Variants in PLXDC2 observed in about 807,000 individuals in gnomAD.
PLXDC2 encodes plexin domain containing 2.
A neutral mutation model predicts 68.9 loss-of-function variants in PLXDC2; 40 were observed. That is an observed-to-expected ratio of 0.58 (90% CI 0.45 to 0.76). The LOEUF (loss-of-function observed/expected upper bound fraction) is 0.76. Ranked by LOEUF, PLXDC2 falls within the 30% of genes least tolerant of loss-of-function variation. PLXDC2 has a pLI of 0.00. For missense variants in PLXDC2, 644 were observed against 661.9 expected (o/e 0.97, Z 0.30); for synonymous variants, 243 against 234.2 (o/e 1.04, Z -0.34).
At chr10:20,220,219 T>C (rs1835191158) in intron 12 of PLXDC2, among the ~76,000 whole-genome samples, 1 of 152,178 alleles carries the variant, frequency 6.6e-6, no homozygotes, top group Non-Finnish European at 1.5e-5. Flanking sequence ...AAATATATAC[T>C]AGCTAGAAAT....
rs1258240611 is a variant in PLXDC2, at chr10:20,162,067, AGAGAGAAGGAAGGAAGGAAGGAAG to A, written c.784-2398_784-2375del. 2.5e-3 allele frequency among the ~76,000 whole-genome samples: 114 copies of A among 45,490 alleles called. 1 individual carries two copies. The highest frequency in any genetic ancestry group is 7.5e-3 in the African/African-American group (98 of 13,132). The allele number at this position is 45,490 out of a possible 152,430, so 29.8% of individuals were successfully genotyped here. On this transcript the variant is annotated intron_variant, in intron 6 of 13. Transcript: ENST00000377252. ...AAGAGAGAGAGAGAGAGAGAGAGAGAGAGAGAAGGAAGGAAGGAAGGAAGGAAGGAAGGAAGGAAGGAAGGAAGG... is the reference window on the plus strand; with the variant it reads ...AAGAGAGAGAGAGAGAGAGAGAGAGAGAAGGAAGGAAGGAAGGAAGGAAGG...
intron 1 of PLXDC2, among the ~76,000 whole-genome samples, chr10:19,998,239 A>G (rs1352915584): frequency 6.6e-6 from 1 of 152,208 alleles, no homozygotes; most frequent in Non-Finnish European, 1.5e-5. Context: ...AATTTAAAAC[A>G]TTTGTATGAG....
At chr10:20,234,593 AAC>A (rs1242608233) in intron 12 of PLXDC2, among the ~76,000 whole-genome samples, 2 of 151,684 alleles carry the variant, frequency 1.3e-5, no homozygotes, top group Non-Finnish European at 2.9e-5. Flanking sequence ...TAGTTCTCGT[AAC>A]ACAAACTAAA....
chr10:20,245,564 T>G lies in PLXDC2; in HGVS notation c.1473+59T>G. On this transcript the variant is annotated intron_variant, in intron 13 of 13. Coordinates refer to ENST00000377252, the MANE Select transcript of PLXDC2 (RefSeq NM_032812.9). ...CAGTTGATGAACTGTATCCGTTTGC[T>G]AACACCACCTGGATTTAATATTTAC... is the stretch of plus-strand genomic sequence containing the variant. The G allele has an allele frequency of 4.6e-6, 7 of 1,509,906 alleles. No homozygotes were observed. In the South Asian group the frequency reaches 8.9e-5, roughly 19 times the overall value. The allele number at this position is 1,509,906 out of a possible 1,614,324, so 93.5% of individuals were successfully genotyped here. A position where few individuals can be genotyped will look rare whatever the true frequency, so the allele number is the denominator to read the frequency against.
At chr10:20,198,083 G>C (rs1295307596) in intron 9 of PLXDC2, among the ~76,000 whole-genome samples, 3 of 152,116 alleles carry the variant, frequency 2.0e-5, no homozygotes, top group Non-Finnish European at 4.4e-5. Context: ...TTCCAGTTAA[G>C]AGAAGAATAC....
chr10:19,962,582 G>A (rs1199200029), intron 1 of PLXDC2, among the ~76,000 whole-genome samples: 3 of 148,094 alleles, frequency 2.0e-5, no homozygotes, highest in East Asian at 2.0e-4. Flanking sequence ...TAGTAGAGAC[G>A]TGTTTCACCG....
chr10:19,975,650 T>C (rs1254782399), intron 1 of PLXDC2, among the ~76,000 whole-genome samples: 1 of 152,178 alleles, frequency 6.6e-6, no homozygotes, highest in East Asian at 1.9e-4. Flanking sequence ...TTCCTGCATC[T>C]CTCTTTTGAG....
intron 1 of PLXDC2, among the ~76,000 whole-genome samples, chr10:19,925,908 C>G (rs558557812): frequency 1.3e-5 from 2 of 152,238 alleles, no homozygotes; most frequent in East Asian, 3.9e-4. Flanking sequence ...CTGTTTTGTA[C>G]CGGGGTTGAT....
intron 2 of PLXDC2, among the ~76,000 whole-genome samples, chr10:20,036,144 C>T (rs960340067): frequency 2.0e-5 from 3 of 152,124 alleles, no homozygotes; most frequent in African/African-American, 2.4e-5. Context: ...TGTGGACTAA[C>T]GTTGTACCCC....
At chr10:20,096,068 G>A (rs1833345344) in intron 4 of PLXDC2, among the ~76,000 whole-genome samples, 2 of 152,014 alleles carry the variant, frequency 1.3e-5, no homozygotes, top group South Asian at 2.1e-4. Context: ...TTCTTTTCAA[G>A]AGCCATTTTG....
At chr10:19,981,822 T>A (rs187339378) in intron 1 of PLXDC2, among the ~76,000 whole-genome samples, 1 of 152,202 alleles carries the variant, frequency 6.6e-6, no homozygotes, top group African/African-American at 2.4e-5. Flanking sequence ...ATGGCACTGA[T>A]CGTAAGGACC....
intron 4 of PLXDC2, among the ~76,000 whole-genome samples, chr10:20,088,984 A>G (rs955884649): frequency 6.6e-6 from 1 of 152,116 alleles, no homozygotes; most frequent in Non-Finnish European, 1.5e-5. Flanking sequence ...TGGGCTCACA[A>G]CTCATTGTGA....
At chr10:19,922,560 A>G (rs914197507) in intron 1 of PLXDC2, among the ~76,000 whole-genome samples, 5 of 152,076 alleles carry the variant, frequency 3.3e-5, no homozygotes, top group African/African-American at 1.2e-4. Flanking sequence ...TGGAGGCTTC[A>G]TTTGTGACCA....
chr10:20,092,693 A>T (rs990738756), intron 4 of PLXDC2, among the ~76,000 whole-genome samples: 3 of 152,104 alleles, frequency 2.0e-5, no homozygotes, highest in Admixed American at 1.3e-4. Flanking sequence ...AAAAAAAGTC[A>T]TTGGAGACAG....
intron 9 of PLXDC2, among the ~76,000 whole-genome samples, chr10:20,201,762 A>G (rs576699678): frequency 1.8e-4 from 28 of 152,210 alleles, no homozygotes; most frequent in African/African-American, 6.5e-4. Flanking sequence ...TCATATATCA[A>G]TTAAAAGATT....
chr10:19,988,778 T>A (rs1229275606), intron 1 of PLXDC2, among the ~76,000 whole-genome samples: 1 of 19,290 alleles, frequency 5.2e-5, no homozygotes, highest in African/African-American at 2.1e-4. Context: ...TAATGCCACT[T>A]TTTTTTTTTT....
chr10:20,010,662 T>C (rs1048439390), intron 2 of PLXDC2, among the ~76,000 whole-genome samples: 1 of 152,210 alleles, frequency 6.6e-6, no homozygotes, highest in Admixed American at 6.5e-5. Context: ...TACATGCAGG[T>C]TGTAAAATTA....
intron 1 of PLXDC2, among the ~76,000 whole-genome samples, chr10:19,934,101 G>C (rs79449887): frequency 6.6e-6 from 1 of 152,064 alleles, no homozygotes; most frequent in African/African-American, 2.4e-5. Flanking sequence ...GATAAAATGC[G>C]TGATCATTGG....
At chr10:20,089,864 G>A (rs967613776) in intron 4 of PLXDC2, among the ~76,000 whole-genome samples, 1 of 152,192 alleles carries the variant, frequency 6.6e-6, no homozygotes, top group Non-Finnish European at 1.5e-5. Flanking sequence ...CATACATTTT[G>A]TGATGGTCCC....
Sources: allele counts gnomAD v4.1 joint callset (sites outside exome capture counted in the v4.1 genomes callset), GRCh38; gene constraint gnomAD v4.1.1; transcripts MANE v1.5; gene names NCBI Gene and HGNC (gene_info 2026-07-23, HGNC 2026-07-21).